The following ZHX3 variants were observed in gnomAD, a reference collection of about 807,000 sequenced individuals.
The protein encoded by ZHX3 is zinc fingers and homeoboxes protein 3.
In ZHX3, 20 loss-of-function variants were observed where a neutral mutation model predicts 64.5. The ratio of observed to expected loss-of-function variants is 0.31; its 90% CI spans 0.22 to 0.45. ZHX3 has a LOEUF of 0.45. ZHX3 is among the 20% of genes least tolerant of loss of function. The pLI, the probability that ZHX3 is intolerant of heterozygous loss-of-function variation, is 1.00. For synonymous variants in ZHX3, 423 were observed against 461.6 expected, an observed-to-expected ratio of 0.92 and a Z score of 1.07; for missense variants, 1,041 against 1,195.8, an observed-to-expected ratio of 0.87 and a Z score of 1.91.
intron 2 of ZHX3, among the ~76,000 whole-genome samples, chr20:41,265,135 T>G (rs978949888): frequency 3.9e-5 from 6 of 152,012 alleles, no homozygotes; most frequent in African/African-American, 1.4e-4. Context: ...ATATATACTT[T>G]TTAAAAAATA....
chr20:41,237,143 G>C (rs1220223097), intron 2 of ZHX3, among the ~76,000 whole-genome samples: 1 of 152,168 alleles, frequency 6.6e-6, no homozygotes, highest in African/African-American at 2.4e-5. Context: ...GGAAAAATAG[G>C]AACACTTTTA....
chr20:41,298,927 T>C (rs941604355), intron 1 of ZHX3, among the ~76,000 whole-genome samples: 4 of 151,716 alleles, frequency 2.6e-5, no homozygotes, highest in Non-Finnish European at 4.4e-5. Context: ...TGTGGCTTCC[T>C]ATGAGGAAGA....
At chr20:41,218,684 T>C (rs2039718493) in intron 2 of ZHX3, among the ~76,000 whole-genome samples, 1 of 152,202 alleles carries the variant, frequency 6.6e-6, no homozygotes, top group Non-Finnish European at 1.5e-5. Flanking sequence ...GGGCAGGACC[T>C]TGGCAGTCCA....
chr20:41,270,585 A>C (rs1600581698), intron 1 of ZHX3, among the ~76,000 whole-genome samples: 1 of 151,640 alleles, frequency 6.6e-6, no homozygotes, highest in African/African-American at 2.4e-5. Context: ...CTGAGGCAGG[A>C]GAATAGCGTG....
Position 41,243,843 on chromosome 20 carries a change from A to G in ZHX3, c.-151+25147T>C, listed in dbSNP as rs370357097. On this transcript the variant is annotated intron_variant, in intron 2 of 3. Transcript: ENST00000683867. ...ACACAAGCAGTTTAGAAACCCTATG[A>G]CGAGGATCAACTCTGACTGGAGTGA... Among the ~76,000 whole-genome samples the G allele has an allele frequency of 5.1e-4, 78 of 152,254 alleles. 1 individual carries two copies. The highest frequency in any genetic ancestry group is 4.8e-3 in the East Asian group (25 of 5,166).
At chr20:41,253,930 T>G (rs1351167202) in intron 2 of ZHX3, among the ~76,000 whole-genome samples, 1 of 151,594 alleles carries the variant, frequency 6.6e-6, no homozygotes, top group African/African-American at 2.4e-5. Flanking sequence ...ATGTTTGAAA[T>G]TTTTCATAAT....
chr20:41,196,013 T>C (rs1021977152), intron 3 of ZHX3, among the ~76,000 whole-genome samples: 3 of 151,858 alleles, frequency 2.0e-5, no homozygotes, highest in Non-Finnish European at 2.9e-5. Context: ...TAACATACGG[T>C]TTATCCTGGA....
chr20:41,202,532 G>C lies in ZHX3; in HGVS notation c.2385C>G (p.Asp795Glu), dbSNP rs1282687217. Residue 795 changes from aspartate (D) to glutamate (E), a missense_variant, in exon 3 of 4, where the codon GAC becomes GAG. This residue lies in a region of ZHX3 where 649 missense variants were observed against 739.8 expected (regional missense o/e 0.88). Coordinates refer to ENST00000683867, the MANE Select transcript of ZHX3 (RefSeq NM_001384317.1). This position sits in a 1 kb window ranked among gnomAD's most constrained non-coding sequence, Gnocchi z 7.0. ...GCAGACCCGTCTGGGCCATGATGGA[G>C]TCATAGTCCTGGTTGCTTGGCCACT... ...QTQWPSNQDY[D>E]SIMAQTGLPR... The C allele has an allele frequency of 2.5e-6, 4 of 1,614,058 alleles. No homozygotes were observed.
At position 41,184,617 on chromosome 20, in the gene ZHX3, T is replaced by G. The variant is rs1288761042; in HGVS notation, c.*574A>C. ...GTCATCACTTAATGCAGCAGAGATCTCTTCAAAGGTACTGCTTCCTTGAGG... is the reference window on the plus strand; with the variant it reads ...GTCATCACTTAATGCAGCAGAGATCGCTTCAAAGGTACTGCTTCCTTGAGG... On this transcript the variant is annotated 3_prime_UTR_variant, in exon 4 of 4. Coordinates refer to ENST00000683867, the MANE Select transcript of ZHX3 (RefSeq NM_001384317.1). The G allele has an allele frequency of 2.5e-5, 10 of 393,410 alleles. No individual in the cohort carries two copies. Among genetic ancestry groups the G allele is most frequent in the Non-Finnish European group, 4.7e-5 (10 of 214,834 alleles). The allele number at this position is 393,410 out of a possible 1,614,324, so 24.4% of individuals were successfully genotyped here.
chr20:41,251,550 A>G (rs2041994310), intron 2 of ZHX3, among the ~76,000 whole-genome samples: 1 of 152,210 alleles, frequency 6.6e-6, no homozygotes, highest in Admixed American at 6.5e-5. Flanking sequence ...ATGGCAGATT[A>G]AAGCTCTAAT....
intron 3 of ZHX3, among the ~76,000 whole-genome samples, chr20:41,193,866 C>T (rs929241377): frequency 1.3e-5 from 2 of 151,944 alleles, no homozygotes; most frequent in Admixed American, 6.6e-5. Flanking sequence ...CCATGCCCAG[C>T]TAATTTTGTA....
At position 41,203,880 on chromosome 20, in the gene ZHX3, T is replaced by C; in HGVS notation, c.1037A>G (p.Glu346Gly). 1 of 1,614,230 alleles carries C rather than the reference T, an allele frequency of 6.2e-7. No individual in the cohort carries two copies. Among genetic ancestry groups the C allele is most frequent in the Non-Finnish European group, 8.5e-7 (1 of 1,180,024 alleles). Residue 346 changes from glutamate to glycine, a missense_variant, in exon 3 of 4, where the codon GAA (glutamate) becomes GGA (glycine). By Grantham distance (98) the Glu-to-Gly change is moderately conservative. Coordinates refer to ENST00000683867, the MANE Select transcript of ZHX3 (RefSeq NM_001384317.1). This position sits in a 1 kb window ranked among gnomAD's most constrained non-coding sequence, Gnocchi z 7.1. ...GGCTGTGAACCAGATCTTGAGCTGTTCTTCTGGATACTTGGTCACCACAGT... is the reference window on the plus strand; with the variant it reads ...GGCTGTGAACCAGATCTTGAGCTGTCCTTCTGGATACTTGGTCACCACAGT... ...YLTVVTKYPEEQLKIWFTAQR... is the reference protein window; with the variant it reads ...YLTVVTKYPEGQLKIWFTAQR...
rs115150976 is a variant in ZHX3 at position 41,212,389 on chromosome 20, A to G, written c.-150-7323T>C. 3.4e-3 allele frequency among the ~76,000 whole-genome samples: 513 copies of G among 152,336 alleles called. 3 individuals are homozygous for G. The highest frequency in any genetic ancestry group is 0.012 in the African/African-American group (489 of 41,574). On this transcript the variant is annotated intron_variant, in intron 2 of 3. Coordinates refer to ENST00000683867, the MANE Select transcript of ZHX3 (RefSeq NM_001384317.1). The surrounding 1 kb of genome is among the most constrained non-coding windows in gnomAD (Gnocchi z 4.3). The stretch of plus-strand genomic sequence containing the variant: ...TTACAGCGACAGATAACAAGTATAG[A>G]TGAGGATGCAGAGAAACTGGAGCCC...
At position 41,182,647 on chromosome 20, in the gene ZHX3, ACT is replaced by A. The variant is rs2036290312; in HGVS notation, c.*2542_*2543del. On this transcript the variant is annotated 3_prime_UTR_variant, in exon 4 of 4. Coordinates refer to ENST00000683867, the MANE Select transcript of ZHX3 (RefSeq NM_001384317.1). The surrounding 1 kb of genome is among the most constrained non-coding windows in gnomAD (Gnocchi z 6.1). ...GATAAGGTCCAGAGCATACTCACTCACTCTCATCCAACAGCAGAGGAAGAAGG... is the reference window on the plus strand; with the variant it reads ...GATAAGGTCCAGAGCATACTCACTCACTCATCCAACAGCAGAGGAAGAAGG... 2 of 152,164 alleles carry A rather than the reference ACT, an allele frequency of 1.3e-5. No individual in the cohort carries two copies. The highest frequency in any genetic ancestry group is 4.8e-5 in the African/African-American group (2 of 41,418). 9.4% of individuals were successfully genotyped at this position (152,164 alleles called of 1,614,324 possible). A position where few individuals can be genotyped will look rare whatever the true frequency, so the allele number is the denominator to read the frequency against.
intron 1 of ZHX3, among the ~76,000 whole-genome samples, chr20:41,284,393 T>A (rs2043834932): frequency 6.6e-6 from 1 of 152,174 alleles, no homozygotes; most frequent in African/African-American, 2.4e-5. Context: ...TATCTCCTCT[T>A]GGATGGCCCA....
rs1225012893 is a variant in ZHX3, at chr20:41,180,522, A to G, written c.*4669T>C. On this transcript the variant is annotated 3_prime_UTR_variant, in exon 4 of 4. Coordinates refer to ENST00000683867, the MANE Select transcript of ZHX3 (RefSeq NM_001384317.1). The stretch of plus-strand genomic sequence containing the variant: ...GCCATAGAAACTTCTCTGTTGAAGG[A>G]CTGCGTCCCCATTCAAAGAGGTCAG... 2.6e-5 allele frequency: 4 copies of G among 152,280 alleles called. No individual in the cohort carries two copies. Among genetic ancestry groups the G allele is most frequent in the Admixed American group, 2.6e-4 (4 of 15,280 alleles). The allele number at this position is 152,280 out of a possible 1,614,324, so 9.4% of individuals were successfully genotyped here. A position where few individuals can be genotyped will look rare whatever the true frequency, so the allele number is the denominator to read the frequency against.
intron 1 of ZHX3, among the ~76,000 whole-genome samples, chr20:41,290,759 T>G (rs1018605781): frequency 2.0e-5 from 3 of 152,216 alleles, no homozygotes; most frequent in Non-Finnish European, 4.4e-5. Context: ...TTGGCTACGA[T>G]GGCAGAGCCA....
rs1183094045 is a variant in ZHX3 at position 41,292,021 on chromosome 20, A to AAAAG, written c.-244-22939_-244-22938insCTTT. 3.6e-4 allele frequency among the ~76,000 whole-genome samples: 54 copies of AAAAG among 150,634 alleles called. 1 individual carries two copies. Among genetic ancestry groups the AAAAG allele is most frequent in the African/African-American group, 1.3e-3 (53 of 41,274 alleles). ...CAGCAAGACCTCATCTTTAAAAAAAAAAAAAAAAAAAAAAAAGAGTTCTAT... is the reference window on the plus strand; with the variant it reads ...CAGCAAGACCTCATCTTTAAAAAAAAAAAGAAAAAAAAAAAAAAAAGAGTTCTAT... On this transcript the variant is annotated intron_variant, in intron 1 of 3. Transcript: ENST00000683867.
chr20:41,194,925 G>A (rs374153615), intron 3 of ZHX3, among the ~76,000 whole-genome samples: 2 of 151,950 alleles, frequency 1.3e-5, no homozygotes, highest in South Asian at 2.1e-4. Flanking sequence ...CCTTTCTGAT[G>A]TTAGTAATTT....
Sources: gnomAD v4.1 joint callset for allele counts (sites outside exome capture counted in the v4.1 genomes callset) on GRCh38, gnomAD v4.1.1 for gene constraint, gnomAD v4.1.1 regional missense constraint, Gnocchi (gnomAD v3.1) non-coding constraint, MANE v1.5 for transcripts, NCBI Gene and HGNC (gene_info 2026-07-23, HGNC 2026-07-21) for gene names.